Variants in SH3GL2 observed in about 807,000 individuals in gnomAD.
SH3GL2 encodes the protein endophilin-A1.
A neutral mutation model predicts 46.0 loss-of-function variants in SH3GL2; 24 were observed. That is an observed-to-expected ratio of 0.52 (90% CI 0.38 to 0.73). The LOEUF is 0.73. SH3GL2 is among the 30% of genes least tolerant of loss of function. The pLI, the probability that SH3GL2 is intolerant of heterozygous loss-of-function variation, is 0.00. For synonymous variants in SH3GL2, 196 were observed against 147.1 expected (o/e 1.33, Z -2.40); for missense variants, 413 against 424.2 (o/e 0.97, Z 0.23).
At chr9:17,624,569 G>T (rs191757028) in intron 1 of SH3GL2, among the ~76,000 whole-genome samples, 3 of 151,942 alleles carry the variant, frequency 2.0e-5, no homozygotes, top group Non-Finnish European at 4.4e-5. Context: ...CCCATTTTCC[G>T]TTGGTTCATA....
At chr9:17,661,550 C>T (rs1344363339) in intron 1 of SH3GL2, among the ~76,000 whole-genome samples, 2 of 152,096 alleles carry the variant, frequency 1.3e-5, no homozygotes, top group Non-Finnish European at 2.9e-5. Context: ...ATCAATGTGT[C>T]ATATAAAGAG....
chr9:17,743,581 C>CACACACACACACAA (rs1822593908), intron 1 of SH3GL2, among the ~76,000 whole-genome samples: 2 of 151,506 alleles, frequency 1.3e-5, no homozygotes, highest in South Asian at 4.2e-4. Context: ...CACACACACA[C>CACACACACACACAA]ACACACACAC....
intron 1 of SH3GL2, among the ~76,000 whole-genome samples, chr9:17,625,479 A>G (rs916119786): frequency 6.6e-6 from 1 of 152,134 alleles, no homozygotes. Flanking sequence ...ACGCATTCCT[A>G]CTTTTCTCAT....
intron 1 of SH3GL2, among the ~76,000 whole-genome samples, chr9:17,603,150 C>A (rs1344450497): frequency 6.6e-6 from 1 of 152,086 alleles, no homozygotes; most frequent in Non-Finnish European, 1.5e-5. Flanking sequence ...TGAGAAATAT[C>A]CTGATATGTT....
chr9:17,758,772 C>A (rs1284691540), intron 2 of SH3GL2, among the ~76,000 whole-genome samples: 4 of 112,046 alleles, frequency 3.6e-5, no homozygotes, highest in South Asian at 6.2e-4. Context: ...GTAGAACTTG[C>A]TCTGTAATGA....
intron 3 of SH3GL2, among the ~76,000 whole-genome samples, chr9:17,776,046 G>A (rs1823633057): frequency 6.6e-6 from 1 of 152,116 alleles, no homozygotes; most frequent in Non-Finnish European, 1.5e-5. Context: ...CCAAAATACT[G>A]CCATCATAAT....
chr9:17,748,325 A>C (rs1375249185), intron 2 of SH3GL2, among the ~76,000 whole-genome samples: 1 of 152,186 alleles, frequency 6.6e-6, no homozygotes, highest in South Asian at 2.1e-4. Flanking sequence ...AGGATGTTGC[A>C]AACTATGGTA....
intron 1 of SH3GL2, among the ~76,000 whole-genome samples, chr9:17,638,449 C>T (rs972128102): frequency 1.3e-5 from 2 of 152,084 alleles, no homozygotes; most frequent in African/African-American, 2.4e-5. Flanking sequence ...AAAAAGTCAA[C>T]AAGTAAATGA....
chr9:17,719,043 G>C (rs182150732), intron 1 of SH3GL2, among the ~76,000 whole-genome samples: 12 of 152,258 alleles, frequency 7.9e-5, no homozygotes, highest in African/African-American at 2.9e-4. Flanking sequence ...AGTATCTTCA[G>C]TGTGACCTGT....
chr9:17,632,775 C>T (rs1280190021), intron 1 of SH3GL2, among the ~76,000 whole-genome samples: 4 of 152,084 alleles, frequency 2.6e-5, no homozygotes, highest in Non-Finnish European at 4.4e-5. Flanking sequence ...TAACACATCC[C>T]GAAGATTTTG....
At position 17,786,454 on chromosome 9, in the gene SH3GL2, T is replaced by C. The variant is rs757581347; in HGVS notation, c.261T>C (p.Pro87=). 3.1e-6 allele frequency: 5 copies of C among 1,613,356 alleles called. No homozygotes were observed. The highest frequency in any genetic ancestry group is 4.2e-6 in the Non-Finnish European group (5 of 1,179,638). The change falls in exon 4 of 9, where the codon CCT becomes CCC. Residue 87 remains proline (P), a synonymous_variant. Coordinates refer to ENST00000380607, the MANE Select transcript of SH3GL2 (RefSeq NM_003026.5). ...GCCAGGAGAAGGGGCCAGGCTATCC[T>C]CAGGCAGAGGCGCTGCTGGCAGAGG... ...IRGQEKGPGY[P]QAEALLAEAM...
At chr9:17,715,395 A>G (rs912086354) in intron 1 of SH3GL2, among the ~76,000 whole-genome samples, 5 of 151,666 alleles carry the variant, frequency 3.3e-5, no homozygotes, top group African/African-American at 1.2e-4. Context: ...TTACTTTTTC[A>G]AAATTTTTTT....
At chr9:17,638,879 C>G (rs1402259704) in intron 1 of SH3GL2, among the ~76,000 whole-genome samples, 1 of 152,162 alleles carries the variant, frequency 6.6e-6, no homozygotes, top group African/African-American at 2.4e-5. Flanking sequence ...TTCCCTGGTT[C>G]TGGAACTTTT....
chr9:17,601,682 G>A (rs1349073502), intron 1 of SH3GL2, among the ~76,000 whole-genome samples: 1 of 152,188 alleles, frequency 6.6e-6, no homozygotes, highest in Non-Finnish European at 1.5e-5. Flanking sequence ...CCAGTGAGTG[G>A]TTCAATAACA....
At chr9:17,669,210 C>T (rs565062513) in intron 1 of SH3GL2, among the ~76,000 whole-genome samples, 189 of 152,042 alleles carry the variant, frequency 1.2e-3, no homozygotes, top group Non-Finnish European at 2.3e-3. Flanking sequence ...TCTTGAAAAA[C>T]GGTAGTATGG....
chr9:17,596,772 T>C (rs1450402728), intron 1 of SH3GL2, among the ~76,000 whole-genome samples: 1 of 152,112 alleles, frequency 6.6e-6, no homozygotes, highest in African/African-American at 2.4e-5. Flanking sequence ...CCAAACAAAA[T>C]ACATAAAAAT....
At chr9:17,598,832 A>G (rs1244833057) in intron 1 of SH3GL2, among the ~76,000 whole-genome samples, 1 of 152,188 alleles carries the variant, frequency 6.6e-6, no homozygotes, top group Non-Finnish European at 1.5e-5. Flanking sequence ...TGATGAGGAA[A>G]CTAAGGCACA....
chr9:17,657,452 A>G (rs1219381605), intron 1 of SH3GL2, among the ~76,000 whole-genome samples: 1 of 152,200 alleles, frequency 6.6e-6, no homozygotes, highest in Non-Finnish European at 1.5e-5. Flanking sequence ...TTGTACCACA[A>G]ACAGAGGCAG....
intron 1 of SH3GL2, among the ~76,000 whole-genome samples, chr9:17,707,046 C>A (rs1302814083): frequency 1.3e-5 from 2 of 151,948 alleles, no homozygotes; most frequent in East Asian, 3.9e-4. Flanking sequence ...TCAGCCAATC[C>A]TTGCTTAACC....
Sources: gnomAD v4.1 joint callset for allele counts (sites outside exome capture counted in the v4.1 genomes callset) on GRCh38, gnomAD v4.1.1 for gene constraint, MANE v1.5 for transcripts, NCBI Gene and HGNC (gene_info 2026-07-23, HGNC 2026-07-21) for gene names.